The following CD99L2 variants were observed in gnomAD, a reference collection of about 807,000 sequenced individuals.
CD99L2 encodes CD99 antigen-like protein 2.
Under a neutral mutation model 27.3 loss-of-function variants are expected in CD99L2, and 24 were observed. The ratio of observed to expected loss-of-function variants is 0.88; its 90% CI spans 0.64 to 1.24. CD99L2 has a LOEUF of 1.24. CD99L2 is among the 50% of genes most tolerant of loss of function. The probability of loss-of-function intolerance (pLI) is 0.00; values close to 1 mark genes in which losing one functional copy is unlikely to be tolerated. For synonymous variants in CD99L2, 97 were observed against 87.9 expected (o/e 1.10, Z -0.58); for missense variants, 255 against 221.6 (o/e 1.15, Z -0.96).
intron 9 of CD99L2, among the ~76,000 whole-genome samples, chrX:150,770,868 G>T (rs376973032): frequency 1.2e-4 from 13 of 112,694 alleles, no homozygotes; most frequent in Admixed American, 5.6e-4. Context: ...CAACACCCGC[G>T]CGGAGGCCAA....
intron 10 of CD99L2, among the ~76,000 whole-genome samples, chrX:150,769,373 T>TGACC (rs2043373055): frequency 2.7e-5 from 3 of 112,616 alleles, no homozygotes; most frequent in Non-Finnish European, 5.6e-5. Flanking sequence ...GGAAGGGTTA[T>TGACC]TTTAAACAAA....
intron 10 of CD99L2, among the ~76,000 whole-genome samples, chrX:150,770,057 G>A: frequency 8.8e-6 from 1 of 113,155 alleles, no homozygotes; most frequent in Non-Finnish European, 1.9e-5. Context: ...GACGAATCAA[G>A]GGCAGGGGCC....
chrX:150,798,730 A>C (rs1557420004), intron 4 of CD99L2, among the ~76,000 whole-genome samples: 1 of 112,461 alleles, frequency 8.9e-6, no homozygotes, highest in Non-Finnish European at 1.9e-5. Flanking sequence ...AAAATAAATA[A>C]ATTGATCTTC....
intron 6 of CD99L2, among the ~76,000 whole-genome samples, chrX:150,794,317 A>G (rs1397917697): frequency 1.8e-5 from 2 of 111,630 alleles, no homozygotes; most frequent in Non-Finnish European, 3.8e-5. Flanking sequence ...AGGGAACCCA[A>G]CTTCAGACGA....
intron 7 of CD99L2, among the ~76,000 whole-genome samples, chrX:150,779,752 G>A (rs1355430483): frequency 1.8e-5 from 2 of 112,460 alleles, no homozygotes; most frequent in African/African-American, 6.5e-5. Flanking sequence ...AGGCGTAAAA[G>A]CACTATAGAA....
chrX:150,792,675 G>A (rs543528631), intron 7 of CD99L2, among the ~76,000 whole-genome samples: 2 of 111,816 alleles, frequency 1.8e-5, no homozygotes, highest in South Asian at 7.6e-4. Flanking sequence ...ACTTATAACC[G>A]GGTGTAACAG....
intron 2 of CD99L2, 150 bp from the exon 3 acceptor site, chrX:150,816,228 T>A: frequency 1.2e-5 from 6 of 501,594 alleles, no homozygotes; most frequent in Non-Finnish European, 2.1e-5. Context: ...AGAATCACAC[T>A]GAAAAGGATG....
rs1255682102 is a variant in CD99L2, at chrX:150,767,150, C to T, written c.*1884G>A. 8.9e-6 allele frequency: 1 copy of T among 112,032 alleles called. No individual in the cohort carries two copies. Among genetic ancestry groups the T allele is most frequent in the African/African-American group, 3.2e-5 (1 of 30,772 alleles). The allele number at this position is 112,032 out of a possible 1,213,427, so 9.2% of individuals were successfully genotyped here. ...CAAAATCCTCCATAGCCACCTCCGG[C>T]CCAGCACCAGCCAGAGGGTGGGGCC... On this transcript the variant is annotated 3_prime_UTR_variant, in exon 11 of 11. Coordinates refer to ENST00000370377, the MANE Select transcript of CD99L2 (RefSeq NM_031462.4).
chrX:150,771,116 T>C (rs910968577), intron 9 of CD99L2, among the ~76,000 whole-genome samples: 19 of 112,101 alleles, frequency 1.7e-4, no homozygotes, highest in Non-Finnish European at 9.4e-5. Flanking sequence ...GTCTCATCCC[T>C]GCGTAGCACA....
At chrX:150,839,077 G>T (rs1338609063) in intron 1 of CD99L2, among the ~76,000 whole-genome samples, 2 of 110,369 alleles carry the variant, frequency 1.8e-5, no homozygotes, top group Non-Finnish European at 3.8e-5. Flanking sequence ...TAACAGGAAG[G>T]AAACAGATAT....
At chrX:150,805,796 C>T (rs2045985129) in intron 4 of CD99L2, among the ~76,000 whole-genome samples, 1 of 111,757 alleles carries the variant, frequency 8.9e-6, no homozygotes, top group African/African-American at 3.3e-5. Flanking sequence ...AGTCCCAAAA[C>T]AGTATATACT....
At chrX:150,893,242 T>C (rs1183594172) in intron 1 of CD99L2, among the ~76,000 whole-genome samples, 2 of 109,339 alleles carry the variant, frequency 1.8e-5, no homozygotes, top group Admixed American at 1.9e-4. Flanking sequence ...CCAGACTTTC[T>C]GTCAGACGAG....
chrX:150,869,742 C>T (rs1216664841), intron 1 of CD99L2, among the ~76,000 whole-genome samples: 1 of 112,025 alleles, frequency 8.9e-6, no homozygotes, highest in Non-Finnish European at 1.9e-5. Flanking sequence ...AACCTTTGTA[C>T]TAAAGAGAGA....
At chrX:150,897,794 C>G (rs1305575541) in intron 1 of CD99L2, among the ~76,000 whole-genome samples, 1 of 111,226 alleles carries the variant, frequency 9.0e-6, no homozygotes, top group Admixed American at 9.6e-5. Flanking sequence ...GAATCACCCG[C>G]GGATCTAGTT....
At position 150,768,882 on chromosome X, in the gene CD99L2, C is replaced by A. The variant is rs1485701431; in HGVS notation, c.*152G>T. Reference sequence around the variant, plus strand: ...TGGGGCAGGGCAGAGAAACCAAACTCACAAACACCCAGAGCTCATCCGGGA... The same window carrying A: ...TGGGGCAGGGCAGAGAAACCAAACTAACAAACACCCAGAGCTCATCCGGGA... On this transcript the variant is annotated 3_prime_UTR_variant, in exon 11 of 11. Transcript: ENST00000370377. The A allele has an allele frequency of 1.9e-6, 2 of 1,035,004 alleles. No homozygotes were observed. Among genetic ancestry groups the A allele is most frequent in the Non-Finnish European group, 2.4e-6 (2 of 816,517 alleles). The allele number at this position is 1,035,004 out of a possible 1,213,427, so 85.3% of individuals were successfully genotyped here.
intron 1 of CD99L2, among the ~76,000 whole-genome samples, chrX:150,874,466 A>C (rs1022219027): frequency 3.5e-4 from 37 of 106,062 alleles, no homozygotes; most frequent in African/African-American, 1.2e-3. Context: ...CAGTGGGAAG[A>C]GTTCAGAGGG....
intron 4 of CD99L2, among the ~76,000 whole-genome samples, chrX:150,800,143 G>C (rs1418919308): frequency 1.8e-5 from 2 of 112,363 alleles, no homozygotes; most frequent in South Asian, 7.3e-4. Flanking sequence ...CAAATATTGT[G>C]CAATTCTGCT....
At chrX:150,849,643 C>T (rs2046759479) in intron 1 of CD99L2, among the ~76,000 whole-genome samples, 1 of 111,828 alleles carries the variant, frequency 8.9e-6, no homozygotes, top group African/African-American at 3.3e-5. Flanking sequence ...GACCGCACCA[C>T]TGCGCTCCAG....
At chrX:150,894,760 G>C (rs1193310930) in intron 1 of CD99L2, among the ~76,000 whole-genome samples, 1 of 110,307 alleles carries the variant, frequency 9.1e-6, no homozygotes, top group African/African-American at 3.3e-5. Flanking sequence ...GCTAATTTTT[G>C]TATTTTTTGT....
Sources: allele counts gnomAD v4.1 joint callset (sites outside exome capture counted in the v4.1 genomes callset), GRCh38; gene constraint gnomAD v4.1.1; transcripts MANE v1.5; gene names NCBI Gene and HGNC (gene_info 2026-07-23, HGNC 2026-07-21).